TNRC6A: variants seen among roughly 807,000 people sequenced by gnomAD.
TNRC6A encodes trinucleotide repeat-containing gene 6A protein.
Under a neutral mutation model 221.2 loss-of-function variants are expected in TNRC6A, and 44 were observed. The observed-to-expected ratio is 0.20, with a 90% CI of 0.16 to 0.26. The LOEUF (loss-of-function observed/expected upper bound fraction) is 0.26. Among genes scored for constraint, TNRC6A ranks in the 10% least tolerant of loss-of-function variants. TNRC6A has a pLI of 1.00. For synonymous variants in TNRC6A, 847 were observed against 838.5 expected (o/e 1.01, Z -0.18); for missense variants, 2,199 against 2,404.4 (o/e 0.91, Z 1.79).
chr16:24,706,977 ATTTT>A (rs201547361), intron 2 of TNRC6A, among the ~76,000 whole-genome samples: 11,330 of 113,794 alleles, frequency 0.1, 1,029 homozygotes, highest in East Asian at 0.53. Context: ...TTATTTATCT[ATTTT>A]TATTTATGTA....
At chr16:24,716,899 G>A (rs2056323076) in intron 2 of TNRC6A, among the ~76,000 whole-genome samples, 1 of 148,822 alleles carries the variant, frequency 6.7e-6, no homozygotes, top group African/African-American at 2.4e-5. Context: ...AGAGGTTGCG[G>A]TGAGCCAAGA....
rs1228296278 is a variant in TNRC6A at position 24,730,747 on chromosome 16, C to G, written c.53+447C>G. On this transcript the variant is annotated intron_variant, in intron 2 of 24. Transcript: ENST00000395799. ...TGTGTTCGCATTCCCCCCCGCCCCCCCCCCCCCCCCATACATTGTAGTCAG... is the reference window on the plus strand; with the variant it reads ...TGTGTTCGCATTCCCCCCCGCCCCCGCCCCCCCCCCATACATTGTAGTCAG... Among the ~76,000 whole-genome samples the G allele has an allele frequency of 7.1e-5, 4 of 56,264 alleles. No homozygotes were observed. The South Asian group carries it at 3.1e-3, about 43-fold the overall frequency. 36.9% of individuals were successfully genotyped at this position (56,264 alleles called of 152,430 possible). A position where few individuals can be genotyped will look rare whatever the true frequency, so the allele number is the denominator to read the frequency against.
intron 17 of TNRC6A, among the ~76,000 whole-genome samples, chr16:24,808,944 A>G (rs2058488954): frequency 6.6e-6 from 1 of 152,198 alleles, no homozygotes; most frequent in African/African-American, 2.4e-5. Context: ...GCAAAGGTCA[A>G]GTAAATTGTG....
chr16:24,726,548 G>A (rs568794339), upstream of TNRC6A, among the ~76,000 whole-genome samples: 5 of 152,170 alleles, frequency 3.3e-5, no homozygotes, highest in South Asian at 1.0e-3. Context: ...AGTCATTTGC[G>A]ACCTTCATAA....
intron 1 of TNRC6A, among the ~76,000 whole-genome samples, chr16:24,618,072 G>GTT (rs1048045060): frequency 3.5e-4 from 53 of 151,678 alleles, no homozygotes; most frequent in Admixed American, 1.9e-3. Flanking sequence ...TAATTTTTGT[G>GTT]TTTTTTTATT....
At chr16:24,722,458 CAG>C (rs2056426707) in intron 2 of TNRC6A, among the ~76,000 whole-genome samples, 2 of 151,784 alleles carry the variant, frequency 1.3e-5, no homozygotes, top group African/African-American at 4.8e-5. Flanking sequence ...TATTTTGAAA[CAG>C]AGTCTCACTC....
At chr16:24,610,925 C>T (rs1900024168) in intron 1 of TNRC6A, among the ~76,000 whole-genome samples, 2 of 152,172 alleles carry the variant, frequency 1.3e-5, no homozygotes, top group African/African-American at 2.4e-5. Flanking sequence ...ATTCTCCTGT[C>T]TCAGCCTCCC....
At chr16:24,700,658 T>A (rs2055954684) in intron 2 of TNRC6A, among the ~76,000 whole-genome samples, 1 of 152,130 alleles carries the variant, frequency 6.6e-6, no homozygotes, top group South Asian at 2.1e-4. Flanking sequence ...AGAGGTGCCA[T>A]ATTGGCTGTG....
At chr16:24,816,553 A>G (rs2058662887) in intron 19 of TNRC6A, 1 of 371,170 alleles carries the variant, frequency 2.7e-6, no homozygotes, top group Non-Finnish European at 4.9e-6. Flanking sequence ...ACAAGTACGT[A>G]TGTGTATATG....
At chr16:24,625,143 GA>G (rs2141626689) in intron 1 of TNRC6A, among the ~76,000 whole-genome samples, 1 of 152,266 alleles carries the variant, frequency 6.6e-6, no homozygotes, top group East Asian at 1.9e-4. Context: ...CCAGTAGCTT[GA>G]AAAACTTGAA....
At chr16:24,652,689 G>A (rs1902738945) in intron 2 of TNRC6A, among the ~76,000 whole-genome samples, 1 of 152,108 alleles carries the variant, frequency 6.6e-6, no homozygotes, top group African/African-American at 2.4e-5. Flanking sequence ...GACCCAAACA[G>A]CATATGAAAG....
chr16:24,791,795 C>G lies in TNRC6A; in HGVS notation c.3153C>G (p.Asn1051Lys), dbSNP rs865841980. ...QLLTPASAISNKEASSGSGWG... is the reference protein window; with the variant it reads ...QLLTPASAISKKEASSGSGWG... ...TAACGCCTGCAAGTGCCATCTCAAACAAAGAGGCAAGCAGTGGCTCTGGTA... is the reference window on the plus strand; with the variant it reads ...TAACGCCTGCAAGTGCCATCTCAAAGAAAGAGGCAAGCAGTGGCTCTGGTA... The change falls in exon 6 of 25, where the codon AAC (asparagine) becomes AAG (lysine). Residue 1051 changes from asparagine to lysine, a missense_variant. Around this residue, in one of 8 missense-constraint regions of TNRC6A, gnomAD observed 1,405 missense variants for 1,400.2 expected, o/e 1.00. Transcript: ENST00000395799. 2 of 1,560,808 alleles carry G rather than the reference C, an allele frequency of 1.3e-6. No homozygotes were observed. Among genetic ancestry groups the G allele is most frequent in the Non-Finnish European group, 1.7e-6 (2 of 1,157,928 alleles).
intron 2 of TNRC6A, among the ~76,000 whole-genome samples, chr16:24,644,215 T>C (rs898877662): frequency 4.1e-5 from 6 of 147,124 alleles, no homozygotes; most frequent in Non-Finnish European, 8.9e-5. Flanking sequence ...ACCTCCCCAG[T>C]AGCTGGGACT....
At chr16:24,710,172 C>A (rs1448891365) in intron 2 of TNRC6A, among the ~76,000 whole-genome samples, 1 of 151,360 alleles carries the variant, frequency 6.6e-6, no homozygotes, top group Non-Finnish European at 1.5e-5. Context: ...TTGCAGTGAG[C>A]CGAGATCGCG....
At chr16:24,666,471 CAAAA>C (rs765727823) in intron 2 of TNRC6A, among the ~76,000 whole-genome samples, 1 of 83,932 alleles carries the variant, frequency 1.2e-5, no homozygotes. Context: ...GACTCCGTCT[CAAAA>C]AAAAAAAAAA....
chr16:24,656,293 T>C (rs2054910217), intron 2 of TNRC6A, among the ~76,000 whole-genome samples: 1 of 151,042 alleles, frequency 6.6e-6, no homozygotes. Flanking sequence ...CAAAACCCCG[T>C]CTCTACTAAA....
intron 2 of TNRC6A, among the ~76,000 whole-genome samples, chr16:24,651,046 C>T (rs750290485): frequency 4.9e-5 from 7 of 142,350 alleles, no homozygotes; most frequent in Non-Finnish European, 9.4e-5. Flanking sequence ...AAATTGTCTA[C>T]GCAATTCCAC....
chr16:24,813,131 C>G (rs2058583335), intron 18 of TNRC6A, among the ~76,000 whole-genome samples: 1 of 152,104 alleles, frequency 6.6e-6, no homozygotes, highest in Admixed American at 6.5e-5. Flanking sequence ...CCTGCTTCGG[C>G]CTCCCAAAGT....
At chr16:24,777,822 A>C (rs972538317) in intron 5 of TNRC6A, among the ~76,000 whole-genome samples, 1 of 152,210 alleles carries the variant, frequency 6.6e-6, no homozygotes, top group Non-Finnish European at 1.5e-5. Context: ...ACTGGCACTC[A>C]TAGAAATTAT....
Sources: allele counts gnomAD v4.1 joint callset (sites outside exome capture counted in the v4.1 genomes callset), GRCh38; gene constraint gnomAD v4.1.1; regional missense constraint gnomAD v4.1.1; transcripts MANE v1.5; gene names NCBI Gene and HGNC (gene_info 2026-07-23, HGNC 2026-07-21).